NR5A1: variants seen among roughly 807,000 people sequenced by gnomAD.
NR5A1 encodes the protein nuclear receptor subfamily 5 group A member 1, also known as steroidogenic factor 1.
Under a neutral mutation model 42.7 loss-of-function variants are expected in NR5A1, and 6 were observed. That is an observed-to-expected ratio of 0.14 (90% CI 0.08 to 0.28). The LOEUF is 0.28. NR5A1 is among the 10% of genes least tolerant of loss of function. The probability of loss-of-function intolerance (pLI) is 1.00; values close to 1 mark genes in which losing one functional copy is unlikely to be tolerated. For missense variants in NR5A1, 442 were observed against 626.4 expected (o/e 0.71, Z 3.14); for synonymous variants, 274 against 277.5 (o/e 0.99, Z 0.12).
chr9:124,506,725 C>T (rs1832566330), intron 1 of NR5A1, among the ~76,000 whole-genome samples: 1 of 152,206 alleles, frequency 6.6e-6, no homozygotes, highest in East Asian at 1.9e-4. Flanking sequence ...CCCACCCCCA[C>T]AGGTTCCAGG....
intron 3 of NR5A1, 117 bp downstream of exon 3, chr9:124,502,962 C>T (rs1250930483): frequency 7.4e-7 from 1 of 1,357,704 alleles, no homozygotes; most frequent in Non-Finnish European, 9.8e-7. Context: ...GCCCTAATGT[C>T]GCACGAGGGG....
At position 124,493,027 on chromosome 9, in the gene NR5A1, C is replaced by T. The variant is rs773523426; in HGVS notation, c.990+3G>A. 6.3e-7 allele frequency: 1 copy of T among 1,592,234 alleles called. No individual in the cohort carries two copies. Among genetic ancestry groups the T allele is most frequent in the Non-Finnish European group, 8.5e-7 (1 of 1,170,812 alleles). ...CCAGGGGCGGGGCCGAGGGACTGGT[C>T]ACCTCCTGCCCGGTGACCAGCAGGA... is the stretch of plus-strand genomic sequence containing the variant. On this transcript the variant is annotated splice_donor_region_variant and intron_variant, in intron 5 of 6. Coordinates refer to ENST00000373588, the MANE Select transcript of NR5A1 (RefSeq NM_004959.5).
chr9:124,489,740 A>C (rs2131276005), intron 6 of NR5A1, among the ~76,000 whole-genome samples: 1 of 147,008 alleles, frequency 6.8e-6, no homozygotes, highest in African/African-American at 2.5e-5. Context: ...GCTGCCCAAG[A>C]TCCTACCCGC....
intron 4 of NR5A1, among the ~76,000 whole-genome samples, chr9:124,495,058 C>A (rs553516203): frequency 2.8e-4 from 43 of 152,290 alleles, no homozygotes; most frequent in African/African-American, 9.9e-4. Context: ...CACAGACAGA[C>A]CTCCGGGCCC....
chr9:124,483,057 G>A, intron 6 of NR5A1, 52 bp from the exon 7 acceptor site: 1 of 1,610,022 alleles, frequency 6.2e-7, no homozygotes, highest in Non-Finnish European at 8.5e-7. Context: ...TGCCCATCAG[G>A]GCTGGGCCAA....
In NR5A1 at chr9:124,491,360, C is replaced by A. The variant is rs569247330; in HGVS notation, c.991-132G>T. On this transcript the variant is annotated intron_variant, in intron 5 of 6. Transcript: ENST00000373588. Reference sequence around the variant, plus strand: ...TCAGATGGGCTGGCGTCAGGAGGGCCCAGCCTTGGTGCCGAGCCAGGCACG... The same window carrying A: ...TCAGATGGGCTGGCGTCAGGAGGGCACAGCCTTGGTGCCGAGCCAGGCACG... 8.5e-6 allele frequency: 6 copies of A among 708,956 alleles called. No homozygotes were observed. The African/African-American group carries it at 1.1e-4, about 12-fold the overall frequency. The allele number at this position is 708,956 out of a possible 1,614,324, so 43.9% of individuals were successfully genotyped here. A position where few individuals can be genotyped will look rare whatever the true frequency, so the allele number is the denominator to read the frequency against.
intron 4 of NR5A1, among the ~76,000 whole-genome samples, chr9:124,495,180 T>A (rs1217410726): frequency 6.6e-6 from 1 of 152,142 alleles, no homozygotes; most frequent in African/African-American, 2.4e-5. Context: ...GCCCCTACCA[T>A]CAGCCGTGTG....
At position 124,501,284 on chromosome 9, in the gene NR5A1, T is replaced by C. The variant is rs924439401; in HGVS notation, c.245-569A>G. Reference sequence around the variant, plus strand: ...CACCGCTGGCCCCAGGGTCCAGCTGTTTGTTGACTGACTGCCTGACTGTTG... The same window carrying C: ...CACCGCTGGCCCCAGGGTCCAGCTGCTTGTTGACTGACTGCCTGACTGTTG... On this transcript the variant is annotated intron_variant, in intron 3 of 6. Transcript: ENST00000373588. The surrounding 1 kb of genome is among the most constrained non-coding windows in gnomAD (Gnocchi z 4.1). 6.6e-6 allele frequency among the ~76,000 whole-genome samples: 1 copy of C among 152,126 alleles called. No individual in the cohort carries two copies. Among genetic ancestry groups the C allele is most frequent in the Non-Finnish European group, 1.5e-5 (1 of 68,020 alleles).
Position 124,482,725 on chromosome 9 carries a change from G to GGCC in NR5A1, c.*32_*33insGGC. The stretch of plus-strand genomic sequence containing the variant: ...CCGCCCAGGCCCCGCCCCCAGTCCC[G>GGCC]CCCCCAGTCCCGGCCCCGCCCCCGG... On this transcript the variant is annotated 3_prime_UTR_variant, in exon 7 of 7. Transcript: ENST00000373588. 1 of 167,204 alleles carries GGCC rather than the reference G, an allele frequency of 6.0e-6. No individual in the cohort carries two copies. The highest frequency in any genetic ancestry group is 1.0e-5 in the Non-Finnish European group (1 of 96,466). 10.4% of individuals were successfully genotyped at this position (167,204 alleles called of 1,614,324 possible). A position where few individuals can be genotyped will look rare whatever the true frequency, so the allele number is the denominator to read the frequency against.
Position 124,482,954 on chromosome 9 carries a change from G to A in NR5A1, c.1190C>T (p.Ala397Val). The change falls in exon 7 of 7, where the codon GCC becomes GTC. Residue 397 changes from alanine to valine, a missense_variant. By Grantham distance (64) the Ala-to-Val change is moderately conservative (BLOSUM62 0). Around this residue, in one of 3 missense-constraint regions of NR5A1, gnomAD observed 163 missense variants for 265.8 expected, o/e 0.61. Coordinates refer to ENST00000373588, the MANE Select transcript of NR5A1 (RefSeq NM_004959.5). ...HILVKDAQEK[A>V]NAALLDYTLC... is the part of the protein sequence containing the mutation. ...GGTGTAGTCAAGCAGGGCGGCGTTG[G>A]CCTTCTCCTGAGCGTCTTTCACCAG... 5 of 1,614,112 alleles carry A rather than the reference G, an allele frequency of 3.1e-6. No individual in the cohort carries two copies. The highest frequency in any genetic ancestry group is 4.2e-6 in the Non-Finnish European group (5 of 1,180,028).
chr9:124,503,530 C>T lies in NR5A1; in HGVS notation c.-15-120G>A. 1 of 761,168 alleles carries T rather than the reference C, an allele frequency of 1.3e-6. No homozygotes were observed. The highest frequency in any genetic ancestry group is 2.0e-6 in the Non-Finnish European group (1 of 510,176). The allele number at this position is 761,168 out of a possible 1,614,324, so 47.2% of individuals were successfully genotyped here. ...GTAATCCCCTCTCTGTGCCCAGGCG[C>T]TGCCGCCGGCACCCACCGAGCGCCC... is the stretch of plus-strand genomic sequence containing the variant. On this transcript the variant is annotated intron_variant, in intron 1 of 6. Transcript: ENST00000373588. The surrounding 1 kb of genome is among the most constrained non-coding windows in gnomAD (Gnocchi z 9.6).
chr9:124,505,756 C>G (rs1470387660), intron 1 of NR5A1, among the ~76,000 whole-genome samples: 1 of 152,222 alleles, frequency 6.6e-6, no homozygotes, highest in African/African-American at 2.4e-5. Context: ...CCCCGCTGCT[C>G]CCCTCGGAGC....
chr9:124,496,837 G>A lies in NR5A1; in HGVS notation c.870+3253C>T, dbSNP rs1035286401. Among the ~76,000 whole-genome samples the A allele has an allele frequency of 3.9e-5, 6 of 152,296 alleles. No individual in the cohort carries two copies. Among genetic ancestry groups the A allele is most frequent in the Admixed American group, 2.0e-4 (3 of 15,306 alleles). On this transcript the variant is annotated intron_variant, in intron 4 of 6. Transcript: ENST00000373588. The surrounding 1 kb of genome is among the most constrained non-coding windows in gnomAD (Gnocchi z 5.0). ...TCACTGGGCACTCCTGGCCCCCACCGTCCCCCCGGGTCCTCCCTTGCATCC... is the reference window on the plus strand; with the variant it reads ...TCACTGGGCACTCCTGGCCCCCACCATCCCCCCGGGTCCTCCCTTGCATCC...
chr9:124,500,785 C>A lies in NR5A1; in HGVS notation c.245-70G>T. ...CTTCCATGCTGCCCCACCACAGATC[C>A]TTTCCAAACAAATCTGACCGCTCTC... On this transcript the variant is annotated intron_variant, in intron 3 of 6. Transcript: ENST00000373588. The surrounding 1 kb of genome is among the most constrained non-coding windows in gnomAD (Gnocchi z 6.9). The A allele has an allele frequency of 1.2e-6, 2 of 1,609,338 alleles. No homozygotes were observed. The highest frequency in any genetic ancestry group is 1.7e-6 in the Non-Finnish European group (2 of 1,177,776).
At position 124,496,948 on chromosome 9, in the gene NR5A1, G is replaced by A. The variant is rs993935115; in HGVS notation, c.870+3142C>T. Among the ~76,000 whole-genome samples the A allele has an allele frequency of 1.3e-5, 2 of 152,212 alleles. No homozygotes were observed. The highest frequency in any genetic ancestry group is 6.5e-5 in the Admixed American group (1 of 15,284). On this transcript the variant is annotated intron_variant, in intron 4 of 6. Transcript: ENST00000373588. This position sits in a 1 kb window ranked among gnomAD's most constrained non-coding sequence, Gnocchi z 5.0. ...TGCCCACCAAGCAGCAGGTACAGGT[G>A]AGTTTCTTCCACCTCACAGGGAAAA...
rs772109827 is a variant in NR5A1 at position 124,491,093 on chromosome 9, G to A, written c.1126C>T (p.Leu376Phe). ...GAGCTGCACTCACCCAGGCTGAAGA[G>A]GATGATGAACTTGAGGCAGACAAAC... ...QEFVCLKFII[L>F]FSLDLKFLNN... Residue 376 changes from leucine (L) to phenylalanine (F), a missense_variant, in exon 6 of 7, where the codon CTC (leucine) becomes TTC (phenylalanine). Leu to Phe is a conservative substitution (Grantham distance 22). This residue lies in a region of NR5A1 where 163 missense variants were observed against 265.8 expected (regional missense o/e 0.61). Transcript: ENST00000373588. 6.4e-7 allele frequency: 1 copy of A among 1,557,938 alleles called. No individual in the cohort carries two copies.
intron 6 of NR5A1, among the ~76,000 whole-genome samples, chr9:124,486,668 C>G (rs1832215076): frequency 6.6e-6 from 1 of 152,236 alleles, no homozygotes; most frequent in Non-Finnish European, 1.5e-5. Flanking sequence ...ATCTGGAGAC[C>G]TTGTACAAGT....
At chr9:124,506,041 G>A (rs948498971) in intron 1 of NR5A1, among the ~76,000 whole-genome samples, 2 of 152,210 alleles carry the variant, frequency 1.3e-5, no homozygotes, top group Non-Finnish European at 2.9e-5. Context: ...TGACAGCGGC[G>A]CAACCCACCA....
chr9:124,505,743 G>A (rs942670164), intron 1 of NR5A1, among the ~76,000 whole-genome samples: 8 of 152,206 alleles, frequency 5.3e-5, no homozygotes, highest in Non-Finnish European at 8.8e-5. Flanking sequence ...CCCGGAGGCA[G>A]GGCCCCGCTG....
Sources: allele counts gnomAD v4.1 joint callset (sites outside exome capture counted in the v4.1 genomes callset), GRCh38; gene constraint gnomAD v4.1.1; regional missense constraint gnomAD v4.1.1; non-coding constraint Gnocchi (gnomAD v3.1); transcripts MANE v1.5; gene names NCBI Gene and HGNC (gene_info 2026-07-23, HGNC 2026-07-21).